ATG4C: variants seen among roughly 807,000 people sequenced by gnomAD.
The protein encoded by ATG4C is autophagy related 4C cysteine peptidase.
In ATG4C, 56 loss-of-function variants were observed where a neutral mutation model predicts 57.6. The observed-to-expected ratio is 0.97, with a 90% CI of 0.78 to 1.21. The LOEUF is 1.21. Among genes scored for constraint, ATG4C ranks in the 50% most tolerant of loss-of-function variants. The pLI, the probability that ATG4C is intolerant of heterozygous loss-of-function variation, is 0.00. For synonymous variants in ATG4C, 157 were observed against 174.1 expected, an observed-to-expected ratio of 0.90 and a Z score of 0.78; for missense variants, 595 against 529.8, an observed-to-expected ratio of 1.12 and a Z score of -1.21.
intron 6 of ATG4C, 115 bp from the exon 7 acceptor site, chr1:62,828,925 C>A: frequency 2.3e-6 from 2 of 886,104 alleles, no homozygotes; most frequent in Non-Finnish European, 1.7e-6. Flanking sequence ...TCTGGTGATG[C>A]CAGAGATGAG....
chr1:62,812,007 G>C (rs1289162552), intron 3 of ATG4C, among the ~76,000 whole-genome samples: 1 of 152,134 alleles, frequency 6.6e-6, no homozygotes, highest in African/African-American at 2.4e-5. Context: ...TTGAAGCTCT[G>C]TTGTTAGGTA....
chr1:62,803,965 ATACTT>A, intron 2 of ATG4C, 103 bp downstream of exon 2: 1 of 622,024 alleles, frequency 1.6e-6, no homozygotes, highest in Non-Finnish European at 2.7e-6. Context: ...AATAAATGGC[ATACTT>A]TACTTTGAAT....
At position 62,834,236 on chromosome 1, in the gene ATG4C, C is replaced by T. The variant is rs1572148515; in HGVS notation, c.1012+120C>T. The stretch of plus-strand genomic sequence containing the variant: ...CAAAACGAGTACCTTATACATTCAT[C>T]AGTCCTACTATAGCCACTCATTTGT... On this transcript the variant is annotated intron_variant, in intron 8 of 10. Transcript: ENST00000317868. 5.1e-6 allele frequency: 4 copies of T among 791,750 alleles called. No individual in the cohort carries two copies. The South Asian group carries it at 7.3e-5, about 15-fold the overall frequency. 49.0% of individuals were successfully genotyped at this position (791,750 alleles called of 1,614,324 possible).
intron 6 of ATG4C, among the ~76,000 whole-genome samples, chr1:62,823,609 C>T (rs1442110386): frequency 6.6e-6 from 1 of 152,172 alleles, no homozygotes; most frequent in Non-Finnish European, 1.5e-5. Flanking sequence ...CCATTAACTC[C>T]TAGTCTCATG....
At chr1:62,786,020 T>C (rs895784494) in intron 1 of ATG4C, among the ~76,000 whole-genome samples, 1 of 152,198 alleles carries the variant, frequency 6.6e-6, no homozygotes, top group African/African-American at 2.4e-5. Context: ...TTTGTAAGAG[T>C]ATCCTCTTGT....
chr1:62,819,089 C>G lies in ATG4C; in HGVS notation c.479C>G (p.Ser160Ter), dbSNP rs1237219941. The change falls in exon 5 of 11, where the codon TCA becomes TGA. Residue 160 changes from serine (S) to a stop codon, truncating the protein, a stop_gained. Transcript: ENST00000317868. LOFTEE classifies it high-confidence loss of function. The part of the protein sequence containing the change: ...TSHTVKKFTA[S>*]FEASLSGERE... Reference sequence around the variant, plus strand: ...CACACTGTCAAAAAATTTACTGCATCATTTGAAGCATCACTTTCAGGGGAA... The same window carrying G: ...CACACTGTCAAAAAATTTACTGCATGATTTGAAGCATCACTTTCAGGGGAA... 1 of 1,611,214 alleles carries G rather than the reference C, an allele frequency of 6.2e-7. No individual in the cohort carries two copies. Among genetic ancestry groups the G allele is most frequent in the African/African-American group, 1.3e-5 (1 of 74,902 alleles).
chr1:62,815,822 C>G (rs904672966), intron 3 of ATG4C, among the ~76,000 whole-genome samples: 1 of 152,166 alleles, frequency 6.6e-6, no homozygotes, highest in East Asian at 1.9e-4. Context: ...GTAGCTGGGA[C>G]TACAGGTGCC....
intron 7 of ATG4C, among the ~76,000 whole-genome samples, chr1:62,831,815 T>C (rs913659376): frequency 6.6e-6 from 1 of 152,230 alleles, no homozygotes; most frequent in African/African-American, 2.4e-5. Context: ...CGTTTATTAC[T>C]AAACTTGCTC....
intron 1 of ATG4C, among the ~76,000 whole-genome samples, chr1:62,784,578 G>C (rs928017566): frequency 1.3e-5 from 2 of 151,976 alleles, no homozygotes; most frequent in African/African-American, 4.8e-5. Flanking sequence ...CTGATCTATC[G>C]CATCCATTTG....
rs552731733 is a variant in ATG4C, at chr1:62,864,526, C to G, written c.*367C>G. The G allele has an allele frequency of 3.3e-5, 6 of 180,702 alleles. No homozygotes were observed. The highest frequency in any genetic ancestry group is 5.7e-5 in the Non-Finnish European group (5 of 87,800). 11.2% of individuals were successfully genotyped at this position (180,702 alleles called of 1,614,324 possible). On this transcript the variant is annotated 3_prime_UTR_variant, in exon 11 of 11. Coordinates refer to ENST00000317868, the MANE Select transcript of ATG4C (RefSeq NM_032852.4). The stretch of plus-strand genomic sequence containing the variant: ...AAAGACTGGGATCACCAAATAGTTT[C>G]AAAATTCTCAGTTTGTACTGAAGAC...
intron 3 of ATG4C, among the ~76,000 whole-genome samples, chr1:62,812,872 T>C (rs1665133381): frequency 6.6e-6 from 1 of 152,128 alleles, no homozygotes; most frequent in African/African-American, 2.4e-5. Flanking sequence ...CCATTCACAA[T>C]TGCCACGAAG....
At chr1:62,827,777 A>C (rs548772065) in intron 6 of ATG4C, among the ~76,000 whole-genome samples, 1 of 148,852 alleles carries the variant, frequency 6.7e-6, no homozygotes, top group East Asian at 2.0e-4. Context: ...CCTGGTACCC[A>C]GTAGTTATTT....
chr1:62,818,996 C>T lies in ATG4C; in HGVS notation c.395-9C>T. On this transcript the variant is annotated splice_polypyrimidine_tract_variant and intron_variant, in intron 4 of 10. Transcript: ENST00000317868. ...AAGATCTGAACACTTTGCTTTGGAA[C>T]TACTATAGCTTGGACCTGGCCTGAT... 1 of 1,515,790 alleles carries T rather than the reference C, an allele frequency of 6.6e-7. No homozygotes were observed. Among genetic ancestry groups the T allele is most frequent in the Non-Finnish European group, 8.8e-7 (1 of 1,137,716 alleles). 93.9% of individuals were successfully genotyped at this position (1,515,790 alleles called of 1,614,324 possible). A position where few individuals can be genotyped will look rare whatever the true frequency, so the allele number is the denominator to read the frequency against.
intron 1 of ATG4C, among the ~76,000 whole-genome samples, chr1:62,802,894 C>G (rs1324817206): frequency 6.6e-6 from 1 of 152,098 alleles, no homozygotes; most frequent in Non-Finnish European, 1.5e-5. Context: ...AATGGAATGT[C>G]TATTGTTAGA....
At chr1:62,824,626 C>A (rs938965212) in intron 6 of ATG4C, among the ~76,000 whole-genome samples, 2 of 151,840 alleles carry the variant, frequency 1.3e-5, no homozygotes, top group Non-Finnish European at 2.9e-5. Flanking sequence ...ACTGTCATAC[C>A]CACCATCATA....
chr1:62,806,953 A>G (rs1664901700), intron 3 of ATG4C, among the ~76,000 whole-genome samples: 1 of 152,224 alleles, frequency 6.6e-6, no homozygotes, highest in South Asian at 2.1e-4. Context: ...TTTTGGTTCA[A>G]ACAACTTTAC....
intron 10 of ATG4C, among the ~76,000 whole-genome samples, chr1:62,856,816 A>G (rs1018884656): frequency 6.6e-6 from 1 of 152,202 alleles, no homozygotes; most frequent in Admixed American, 6.5e-5. Flanking sequence ...CATCCTGAGC[A>G]GAACCACCAA....
chr1:62,786,828 T>C (rs1347051777), intron 1 of ATG4C, among the ~76,000 whole-genome samples: 1 of 152,120 alleles, frequency 6.6e-6, no homozygotes, highest in African/African-American at 2.4e-5. Context: ...GACTTGATGT[T>C]ACACAGAGGA....
rs2100374892 is a variant in ATG4C, at chr1:62,864,680, A to C, written c.*521A>C. On this transcript the variant is annotated 3_prime_UTR_variant, in exon 11 of 11. Coordinates refer to ENST00000317868, the MANE Select transcript of ATG4C (RefSeq NM_032852.4). ...ACTGTGATATGCATACACTTATATA[A>C]GCAGAATTATGAGTTAAAGTAATAC... 1 of 152,424 alleles carries C rather than the reference A, an allele frequency of 6.6e-6. No individual in the cohort carries two copies. Among genetic ancestry groups the C allele is most frequent in the Middle Eastern group, 3.4e-3 (1 of 294 alleles). The allele number at this position is 152,424 out of a possible 1,614,324, so 9.4% of individuals were successfully genotyped here.
Sources: gnomAD v4.1 joint callset for allele counts (sites outside exome capture counted in the v4.1 genomes callset) on GRCh38, gnomAD v4.1.1 for gene constraint, MANE v1.5 for transcripts, NCBI Gene and HGNC (gene_info 2026-07-23, HGNC 2026-07-21) for gene names.